The following SLC2A9 variants were observed in gnomAD, a reference collection of about 807,000 sequenced individuals.
The protein encoded by SLC2A9 is solute carrier family 2 member 9.
In SLC2A9, 39 loss-of-function variants were observed where a neutral mutation model predicts 50.6. The ratio of observed to expected loss-of-function variants is 0.77; its 90% confidence interval spans 0.60 to 1.01. SLC2A9 has a LOEUF of 1.01. SLC2A9 is among the 50% of genes least tolerant of loss of function. SLC2A9 has a pLI of 0.00. For synonymous variants in SLC2A9, 324 were observed against 276.9 expected (o/e 1.17, Z -1.69); for missense variants, 686 against 677.6 (o/e 1.01, Z -0.14).
rs371591260 is a variant in SLC2A9, at chr4:9,908,272, C to T, written c.1076G>A (p.Ser359Asn). The T allele has an allele frequency of 5.0e-6, 8 of 1,614,072 alleles. No homozygotes were observed. The African/African-American group carries it at 9.3e-5, about 19-fold the overall frequency. The change falls in exon 8 of 12, where the codon AGT (serine) becomes AAT (asparagine). Residue 359 changes from serine to asparagine, a missense_variant. Ser to Asn is a conservative substitution (Grantham distance 46). Transcript: ENST00000264784. ...PPAKIPYVTL[S>N]TGGIETLAAV... ...AGCCAAAGTCTCGATGCCCCCTGTA[C>T]TCAAGGTGACGTATGGGATCTTTGC...
chr4:9,879,755 A>T, intron 10 of SLC2A9: 2 of 985,420 alleles, frequency 2.0e-6, no homozygotes, highest in African/African-American at 1.7e-5. Context: ...TCAGGGCTTC[A>T]TGTGATTTTT....
At chr4:9,919,772 T>C (rs1212679452) in intron 7 of SLC2A9, among the ~76,000 whole-genome samples, 1 of 152,226 alleles carries the variant, frequency 6.6e-6, no homozygotes, top group Non-Finnish European at 1.5e-5. Flanking sequence ...CCACTCCATT[T>C]GTCAGAAGCA....
intron 1 of SLC2A9, among the ~76,000 whole-genome samples, chr4:9,774,417 G>A (rs1022162863): frequency 2.0e-5 from 3 of 152,160 alleles, no homozygotes; most frequent in African/African-American, 7.2e-5. Flanking sequence ...CCTCTGTTAG[G>A]GTCGTGCTTC....
chr4:9,817,039 G>A (rs1195152461), intron 3 of SLC2A9, among the ~76,000 whole-genome samples: 1 of 152,142 alleles, frequency 6.6e-6, no homozygotes, highest in African/African-American at 2.4e-5. Context: ...CCGTCTTCAA[G>A]GCCAGCAGTG....
rs573801593 is a variant in SLC2A9 at position 9,817,943 on chromosome 4, G to A, written n.420+8477C>T. ...TGGTGTTTGGCAGGGCAATTGTGCCGCATTCTTGGATTGACCAGTGAGTAC... is the reference window on the plus strand; with the variant it reads ...TGGTGTTTGGCAGGGCAATTGTGCCACATTCTTGGATTGACCAGTGAGTAC... On this transcript the variant is annotated intron_variant and non_coding_transcript_variant, in intron 3 of 3. Coordinates refer to the SLC2A9 transcript ENST00000503280. Among the ~76,000 whole-genome samples, 8 of 152,284 alleles carry A rather than the reference G, an allele frequency of 5.3e-5. No homozygotes were observed. In the East Asian group the frequency reaches 5.8e-4, roughly 11 times the overall value.
At chr4:9,853,548 T>G (rs990782335) in intron 10 of SLC2A9, among the ~76,000 whole-genome samples, 1 of 152,112 alleles carries the variant, frequency 6.6e-6, no homozygotes. Context: ...CACACAATAA[T>G]AGCAGGAGAT....
intron 3 of SLC2A9, chr4:9,782,597 G>C (rs144132215): frequency 6.2e-7 from 1 of 1,613,942 alleles, no homozygotes; most frequent in South Asian, 1.1e-5. Context: ...CTCTTGGGGC[G>C]GGCTGGACCT....
chr4:10,013,698 A>C (rs541657856), intron 2 of SLC2A9, among the ~76,000 whole-genome samples: 1 of 152,260 alleles, frequency 6.6e-6, no homozygotes, highest in Admixed American at 6.5e-5. Flanking sequence ...GAGCGTTTTT[A>C]AGGTTGAGGC....
chr4:9,904,776 A>C (rs1182687247), intron 8 of SLC2A9, among the ~76,000 whole-genome samples: 1 of 152,200 alleles, frequency 6.6e-6, no homozygotes, highest in Admixed American at 6.5e-5. Context: ...TTCTCCCCAG[A>C]ACATTTTTCT....
intron 6 of SLC2A9, 91 bp downstream of exon 6, chr4:9,941,822 T>C (rs1001062287): frequency 1.3e-6 from 2 of 1,566,752 alleles, no homozygotes; most frequent in Non-Finnish European, 8.7e-7. Flanking sequence ...ACAACACCCC[T>C]TCCTGTGCCC....
Position 9,928,711 on chromosome 4 carries a change from G to C in SLC2A9, c.815-8139C>G, listed in dbSNP as rs138414406. Among the ~76,000 whole-genome samples the C allele has an allele frequency of 1.9e-4, 29 of 152,298 alleles. No individual in the cohort carries two copies. In the East Asian group the frequency reaches 5.6e-3, roughly 29 times the overall value. ...AGTGCATCACTGCACTCCCGCCTGG[G>C]TGACAGAGCAAGACTCCTTCTCAAA... is the stretch of plus-strand genomic sequence containing the variant. On this transcript the variant is annotated intron_variant, in intron 6 of 11. Transcript: ENST00000264784.
chr4:9,902,132 C>T (rs1453078781), intron 8 of SLC2A9, among the ~76,000 whole-genome samples: 1 of 149,354 alleles, frequency 6.7e-6, no homozygotes. Context: ...TCACCTGGAG[C>T]CTGACCACAA....
intron 5 of SLC2A9, among the ~76,000 whole-genome samples, chr4:9,963,046 G>C (rs1752517189): frequency 6.6e-6 from 1 of 152,158 alleles, no homozygotes; most frequent in Non-Finnish European, 1.5e-5. Context: ...AGGGCCATTA[G>C]GAAAGAGGTC....
At chr4:9,888,112 G>T (rs1470394774) in intron 9 of SLC2A9, among the ~76,000 whole-genome samples, 1 of 122,106 alleles carries the variant, frequency 8.2e-6, no homozygotes, top group African/African-American at 3.3e-5. Context: ...GCTGGGGCCT[G>T]TTTTGGGGGG....
intron 3 of SLC2A9, among the ~76,000 whole-genome samples, chr4:9,792,167 T>C (rs916215442): frequency 7.2e-6 from 1 of 138,106 alleles, no homozygotes; most frequent in African/African-American, 2.7e-5. Flanking sequence ...ATGTTTCTTT[T>C]TTTTTTTTTT....
chr4:9,852,278 C>A (rs1730073046), intron 10 of SLC2A9, among the ~76,000 whole-genome samples: 1 of 149,496 alleles, frequency 6.7e-6, no homozygotes, highest in African/African-American at 2.5e-5. Flanking sequence ...CGGAGTCTCG[C>A]TCTGTCGCCC....
At chr4:9,837,347 T>A (rs1727269706) in intron 10 of SLC2A9, among the ~76,000 whole-genome samples, 1 of 152,226 alleles carries the variant, frequency 6.6e-6, no homozygotes, top group Admixed American at 6.5e-5. Context: ...CTGCAAAATA[T>A]TTCATTGTCA....
intron 5 of SLC2A9, among the ~76,000 whole-genome samples, chr4:9,946,242 CTTGT>C (rs66622652): frequency 0.56 from 85,473 of 151,502 alleles, 25,365 homozygotes; most frequent in African/African-American, 0.76. Context: ...TTGCAATTAT[CTTGT>C]TCTATTATCT....
In SLC2A9 at chr4:9,952,675, C is replaced by A. The variant is rs1203829143; in HGVS notation, c.682-10630G>T. Among the ~76,000 whole-genome samples the A allele has an allele frequency of 2.6e-5, 4 of 152,024 alleles. No individual in the cohort carries two copies. The East Asian group carries it at 5.8e-4, about 22-fold the overall frequency. ...CGGTAGCTAGGACTACAGGCATGCACCACCAAGGCCAGCTAATTTCTGTAT... is the reference window on the plus strand; with the variant it reads ...CGGTAGCTAGGACTACAGGCATGCAACACCAAGGCCAGCTAATTTCTGTAT... On this transcript the variant is annotated intron_variant, in intron 5 of 11. Transcript: ENST00000264784.
Sources: allele counts gnomAD v4.1 joint callset (sites outside exome capture counted in the v4.1 genomes callset), GRCh38; gene constraint gnomAD v4.1.1; transcripts MANE v1.5; gene names NCBI Gene and HGNC (gene_info 2026-07-23, HGNC 2026-07-21).